Variants in KHDRBS2 observed in about 807,000 individuals in gnomAD.
KHDRBS2 encodes KH domain-containing, RNA-binding, signal transduction-associated protein 2.
Under a neutral mutation model 44.3 loss-of-function variants are expected in KHDRBS2, and 26 were observed. The observed-to-expected ratio is 0.59, with a 90% CI of 0.43 to 0.81. The LOEUF (loss-of-function observed/expected upper bound fraction) is 0.81. KHDRBS2 is among the 40% of genes least tolerant of loss of function. The pLI, the probability that KHDRBS2 is intolerant of heterozygous loss-of-function variation, is 0.00. For missense variants in KHDRBS2, 476 were observed against 433.1 expected, an observed-to-expected ratio of 1.10 and a Z score of -0.88; for synonymous variants, 194 against 151.1, an observed-to-expected ratio of 1.28 and a Z score of -2.08.
intron 2 of KHDRBS2, among the ~76,000 whole-genome samples, chr6:62,115,980 A>G (rs1806123107): frequency 6.6e-6 from 1 of 152,100 alleles, no homozygotes; most frequent in Non-Finnish European, 1.5e-5. Context: ...TGATATGAAA[A>G]CAGTATCCCC....
At chr6:61,724,623 C>G (rs1159439221) in intron 7 of KHDRBS2, among the ~76,000 whole-genome samples, 1 of 152,030 alleles carries the variant, frequency 6.6e-6, no homozygotes, top group African/African-American at 2.4e-5. Context: ...GAGAATTTAC[C>G]AAGCAAACGG....
chr6:61,730,786 G>A (rs1002788561), intron 7 of KHDRBS2, among the ~76,000 whole-genome samples: 1 of 151,822 alleles, frequency 6.6e-6, no homozygotes, highest in African/African-American at 2.4e-5. Flanking sequence ...ATTAAAGCAA[G>A]TTTTATTCTA....
the KHDRBS2 span, among the ~76,000 whole-genome samples, chr6:61,573,067 A>T: frequency 7.9e-5 from 12 of 152,196 alleles, no homozygotes; most frequent in South Asian, 1.2e-3. Flanking sequence ...TACCTAGAAA[A>T]CCCTAAAGAC....
At chr6:61,562,426 A>AGT in the KHDRBS2 span, among the ~76,000 whole-genome samples, 1 of 152,214 alleles carries the variant, frequency 6.6e-6, no homozygotes, top group African/African-American at 2.4e-5. Flanking sequence ...TATAAAGACT[A>AGT]ATACATATTA....
intron 7 of KHDRBS2, among the ~76,000 whole-genome samples, chr6:61,707,594 G>A (rs1303961134): frequency 6.6e-6 from 1 of 151,706 alleles, no homozygotes; most frequent in Non-Finnish European, 1.5e-5. Context: ...TTATTTGAAA[G>A]TAACCACATT....
At chr6:61,555,434 T>C in the KHDRBS2 span, among the ~76,000 whole-genome samples, 4 of 152,248 alleles carry the variant, frequency 2.6e-5, no homozygotes, top group Non-Finnish European at 5.9e-5. Flanking sequence ...TTAGAATCCA[T>C]GGATTGGATT....
chr6:61,801,885 C>A (rs1786337772), intron 6 of KHDRBS2, among the ~76,000 whole-genome samples: 1 of 152,224 alleles, frequency 6.6e-6, no homozygotes, highest in South Asian at 2.1e-4. Flanking sequence ...GTAATTAAGA[C>A]CTCAATTCAG....
the KHDRBS2 span, among the ~76,000 whole-genome samples, chr6:61,673,341 G>T: frequency 1.3e-5 from 2 of 152,018 alleles, no homozygotes; most frequent in Admixed American, 6.6e-5. Context: ...AAAACTAGAA[G>T]CATTCCCTTT....
intron 6 of KHDRBS2, among the ~76,000 whole-genome samples, chr6:61,790,407 T>TAA (rs60297993): frequency 1.1e-4 from 16 of 139,724 alleles, no homozygotes; most frequent in South Asian, 2.2e-4. Context: ...ACTTGGGACT[T>TAA]AAAAAAAAAA....
the KHDRBS2 span, among the ~76,000 whole-genome samples, chr6:61,653,122 T>C: frequency 5.3e-5 from 8 of 152,068 alleles, no homozygotes; most frequent in African/African-American, 1.9e-4. Context: ...TGAGAATATA[T>C]TTAGATGGAC....
intron 2 of KHDRBS2, among the ~76,000 whole-genome samples, chr6:62,139,233 ATTAAT>A (rs1479950790): frequency 6.6e-6 from 1 of 152,146 alleles, no homozygotes; most frequent in Non-Finnish European, 1.5e-5. Flanking sequence ...AAAAAGAACT[ATTAAT>A]TTGAGTTAAA....
chr6:61,617,944 T>G, the KHDRBS2 span, among the ~76,000 whole-genome samples: 2 of 152,206 alleles, frequency 1.3e-5, no homozygotes, highest in Admixed American at 6.5e-5. Flanking sequence ...AAATTGCTAT[T>G]TTTCCAAGAA....
chr6:61,682,014 AAAG>A (rs1766360652), intron 8 of KHDRBS2, among the ~76,000 whole-genome samples: 1 of 151,914 alleles, frequency 6.6e-6, no homozygotes, highest in Non-Finnish European at 1.5e-5. Context: ...CAGACAAAGG[AAAG>A]AAGGTTACTA....
the KHDRBS2 span, among the ~76,000 whole-genome samples, chr6:61,667,753 G>C: frequency 2.0e-5 from 3 of 151,216 alleles, no homozygotes; most frequent in Non-Finnish European, 4.4e-5. Context: ...ACTTTCTTCT[G>C]AACCTACTTC....
At chr6:62,056,312 C>T (rs1198807428) in intron 2 of KHDRBS2, among the ~76,000 whole-genome samples, 1 of 151,880 alleles carries the variant, frequency 6.6e-6, no homozygotes, top group African/African-American at 2.4e-5. Context: ...TTCATCTACA[C>T]ATATAACGCT....
chr6:61,850,479 C>T (rs539728958), intron 6 of KHDRBS2, among the ~76,000 whole-genome samples: 3 of 152,200 alleles, frequency 2.0e-5, no homozygotes, highest in East Asian at 3.9e-4. Context: ...TGAATCCCAG[C>T]CTTAAGGCTA....
rs938673963 is a variant in KHDRBS2, at chr6:62,068,360, A to AT, written c.220-20367dup. On this transcript the variant is annotated intron_variant, in intron 2 of 8. Coordinates refer to ENST00000281156, the MANE Select transcript of KHDRBS2 (RefSeq NM_152688.4). ...TATGCAGATTATATATCCAGTTTTA[A>AT]TTTTTTTTTCTTATTGAGATATGAG... Among the ~76,000 whole-genome samples, 333 of 150,230 alleles carry AT rather than the reference A, an allele frequency of 2.2e-3. 1 individual carries two copies. Among genetic ancestry groups the AT allele is most frequent in the African/African-American group, 6.1e-3 (250 of 41,016 alleles).
chr6:62,225,535 T>C (rs900806618), intron 1 of KHDRBS2, among the ~76,000 whole-genome samples: 1 of 152,216 alleles, frequency 6.6e-6, no homozygotes, highest in Non-Finnish European at 1.5e-5. Flanking sequence ...TATTTTATTT[T>C]ACTTTAAGTC....
intron 4 of KHDRBS2, among the ~76,000 whole-genome samples, chr6:61,965,069 T>C (rs1358720460): frequency 1.3e-5 from 2 of 152,108 alleles, no homozygotes; most frequent in Non-Finnish European, 2.9e-5. Context: ...TGTTGCTTTT[T>C]GGAAAAGAGG....
Sources: gnomAD v4.1 joint callset for allele counts (sites outside exome capture counted in the v4.1 genomes callset) on GRCh38, gnomAD v4.1.1 for gene constraint, MANE v1.5 for transcripts, NCBI Gene and HGNC (gene_info 2026-07-23, HGNC 2026-07-21) for gene names.